FHIP2B: variants seen among roughly 807,000 people sequenced by gnomAD.
FHIP2B encodes the protein FHF complex subunit HOOK-interacting protein 2B.
In FHIP2B, 72 loss-of-function variants were observed where a neutral mutation model predicts 84.0. That is an observed-to-expected ratio of 0.86 (90% CI 0.71 to 1.04). The LOEUF is 1.04. Among genes scored for constraint, FHIP2B ranks in the 50% least tolerant of loss-of-function variants. The pLI, the probability that FHIP2B is intolerant of heterozygous loss-of-function variation, is 0.00. For missense variants in FHIP2B, 972 were observed against 968.9 expected (o/e 1.00, Z -0.04); for synonymous variants, 497 against 418.7 (o/e 1.19, Z -2.28).
chr8:22,092,374 G>A (rs1180880604), intron 1 of FHIP2B, among the ~76,000 whole-genome samples: 9 of 152,196 alleles, frequency 5.9e-5, no homozygotes, highest in Admixed American at 5.9e-4. Flanking sequence ...GAGGTCAGGA[G>A]TTTGAGACCA....
At chr8:22,092,281 G>T (rs992689278) in intron 1 of FHIP2B, among the ~76,000 whole-genome samples, 1 of 152,226 alleles carries the variant, frequency 6.6e-6, no homozygotes, top group Non-Finnish European at 1.5e-5. Flanking sequence ...CGAAAACACT[G>T]CTCAGAAGGT....
rs1826269467 is a variant in FHIP2B at position 22,103,998 on chromosome 8, C to T, written c.*1067C>T. 6.6e-6 allele frequency: 1 copy of T among 152,640 alleles called. No homozygotes were observed. Among genetic ancestry groups the T allele is most frequent in the African/African-American group, 2.4e-5 (1 of 41,472 alleles). The allele number at this position is 152,640 out of a possible 1,614,324, so 9.5% of individuals were successfully genotyped here. A position where few individuals can be genotyped will look rare whatever the true frequency, so the allele number is the denominator to read the frequency against. ...CACAGCGGGACTACACAGTTGCTGG[C>T]TTTGCTCCTGGGCAAGGAGGAGCAG... On this transcript the variant is annotated 3_prime_UTR_variant, in exon 17 of 17. Coordinates refer to ENST00000289921, the MANE Select transcript of FHIP2B (RefSeq NM_022749.7).
In FHIP2B at chr8:22,099,781, G is replaced by A. The variant is rs535908714; in HGVS notation, c.1229G>A (p.Arg410Gln). 34 of 1,612,328 alleles carry A rather than the reference G, an allele frequency of 2.1e-5. No individual in the cohort carries two copies. The highest frequency in any genetic ancestry group is 8.9e-5 in the East Asian group (4 of 44,864). Residue 410 changes from arginine (R) to glutamine (Q), a missense_variant, in exon 10 of 17, where the codon CGG (arginine) becomes CAG (glutamine). Arg to Gln is a conservative substitution (Grantham distance 43). Coordinates refer to ENST00000289921, the MANE Select transcript of FHIP2B (RefSeq NM_022749.7). ...CAGCTTCGCTCCCCTGCGCTGCTGC[G>A]GGAGGCCGTGGCTTTCCTCCTGGGC... ...LRQLRSPALL[R>Q]EAVAFLLGTD...
At chr8:22,094,614 C>T in intron 2 of FHIP2B, 96 bp downstream of exon 2, 1 of 1,576,556 alleles carries the variant, frequency 6.3e-7, no homozygotes, top group East Asian at 2.4e-5. Context: ...GGAAAGGTAA[C>T]CTGCCCAGTC....
At chr8:22,092,958 C>T (rs147259447) in intron 1 of FHIP2B, among the ~76,000 whole-genome samples, 2 of 152,310 alleles carry the variant, frequency 1.3e-5, no homozygotes, top group South Asian at 2.1e-4. Flanking sequence ...TTCTTGAGGA[C>T]TAGGTGTTAG....
chr8:22,098,918 C>G, intron 7 of FHIP2B, 30 bp from the exon 8 acceptor site: 1 of 1,549,792 alleles, frequency 6.5e-7, no homozygotes, highest in African/African-American at 1.4e-5. Context: ...CTTCTCCACT[C>G]TCTGAGACTT....
chr8:22,098,193 G>A lies in FHIP2B; in HGVS notation c.651G>A (p.Gly217=), dbSNP rs1164524790. The change falls in exon 6 of 17, where the codon GGG becomes GGA. Residue 217 remains glycine (G), a synonymous_variant. Coordinates refer to ENST00000289921, the MANE Select transcript of FHIP2B (RefSeq NM_022749.7). ...CTCCTGCCAGGCCCCAGCTGGACGG[G>A]GAGTCCTGTGGGGCCCAGGCCTTGA... ...DGAPARPQLD[G]ESCGAQALNS... 1.3e-6 allele frequency: 2 copies of A among 1,578,558 alleles called. No individual in the cohort carries two copies. The highest frequency in any genetic ancestry group is 1.2e-5 in the South Asian group (1 of 86,256).
chr8:22,089,475 C>G (rs532103140), intron 1 of FHIP2B, among the ~76,000 whole-genome samples, 177 bp downstream of exon 1: 2 of 151,704 alleles, frequency 1.3e-5, no homozygotes, highest in African/African-American at 4.8e-5. Flanking sequence ...CGCTTCCCCT[C>G]GCTCTTCCCA....
chr8:22,099,338 C>T lies in FHIP2B; in HGVS notation c.1129C>T (p.Leu377=), dbSNP rs779748306. 6.2e-7 allele frequency: 1 copy of T among 1,613,588 alleles called. No individual in the cohort carries two copies. The change falls in exon 9 of 17, where the codon CTG becomes TTG. Residue 377 remains leucine, a synonymous_variant. Transcript: ENST00000289921. Reference sequence around the variant, plus strand: ...GGCTGAGAACTTCTTCGTGGAGACCCTGCAGCCCCAGCTCCTGCACGTGTA... The same window carrying T: ...GGCTGAGAACTTCTTCGTGGAGACCTTGCAGCCCCAGCTCCTGCACGTGTA... The part of the protein sequence containing the change: ...AVAENFFVET[L]QPQLLHVSEQ...
At chr8:22,096,531 G>C (rs371625418) in intron 3 of FHIP2B, 22 bp downstream of exon 3, 10 of 1,495,938 alleles carry the variant, frequency 6.7e-6, no homozygotes, top group Non-Finnish European at 8.9e-6. Context: ...TCTGCGCGCT[G>C]GGCCAGGCCG....
rs576040356 is a variant in FHIP2B, at chr8:22,100,524, A to T, written c.1342-70A>T. The T allele has an allele frequency of 4.8e-6, 7 of 1,453,774 alleles. No individual in the cohort carries two copies. The African/African-American group carries it at 8.6e-5, about 18-fold the overall frequency. 90.1% of individuals were successfully genotyped at this position (1,453,774 alleles called of 1,614,324 possible). ...TCAGAGGTCTTTTCTTATCTGGGTT[A>T]GCCATGCCAAGGCACCCCTGGGAGC... On this transcript the variant is annotated intron_variant, in intron 10 of 16. Coordinates refer to ENST00000289921, the MANE Select transcript of FHIP2B (RefSeq NM_022749.7).
chr8:22,099,567 C>A, intron 9 of FHIP2B, 137 bp from the exon 10 acceptor site: 1 of 1,156,490 alleles, frequency 8.6e-7, no homozygotes, highest in Non-Finnish European at 1.2e-6. Flanking sequence ...CCCTTCCCTG[C>A]AGGACCTCAG....
Position 22,098,079 on chromosome 8 carries a change from T to A in FHIP2B, c.537T>A (p.Ile179=). 6.3e-7 allele frequency: 1 copy of A among 1,591,820 alleles called. No homozygotes were observed. The highest frequency in any genetic ancestry group is 8.6e-7 in the Non-Finnish European group (1 of 1,169,300). ...LLAYILEGKK[I]VGRKKACGEP... ...CACCCTCTTTTCAGGGTAAAAAGAT[T>A]GTAGGTAGGAAGAAAGCATGCGGAG... Residue 179 remains isoleucine, a synonymous_variant, in exon 6 of 17, where the codon ATT becomes ATA. Coordinates refer to ENST00000289921, the MANE Select transcript of FHIP2B (RefSeq NM_022749.7).
At chr8:22,090,740 T>C (rs1384490910) in intron 1 of FHIP2B, among the ~76,000 whole-genome samples, 3 of 152,304 alleles carry the variant, frequency 2.0e-5, no homozygotes, top group African/African-American at 7.2e-5. Flanking sequence ...TCCTCCCACC[T>C]CAGCCTCCTG....
chr8:22,101,869 G>T lies in FHIP2B; in HGVS notation c.1851+18G>T. 1 of 1,611,672 alleles carries T rather than the reference G, an allele frequency of 6.2e-7. No homozygotes were observed. ...TGGATCAGGTAGCTAGTGGGCCTGGGCCAGGAGAACTCCAGGCTGGTGCCT... is the reference window on the plus strand; with the variant it reads ...TGGATCAGGTAGCTAGTGGGCCTGGTCCAGGAGAACTCCAGGCTGGTGCCT... On this transcript the variant is annotated intron_variant, in intron 14 of 16. Coordinates refer to ENST00000289921, the MANE Select transcript of FHIP2B (RefSeq NM_022749.7).
intron 1 of FHIP2B, among the ~76,000 whole-genome samples, chr8:22,093,581 T>C (rs1825607780): frequency 6.6e-6 from 1 of 152,212 alleles, no homozygotes; most frequent in African/African-American, 2.4e-5. Flanking sequence ...CATGTAAGCA[T>C]GTTATAAGGA....
At chr8:22,092,391 C>A (rs1286591825) in intron 1 of FHIP2B, among the ~76,000 whole-genome samples, 1 of 152,036 alleles carries the variant, frequency 6.6e-6, no homozygotes, top group Admixed American at 6.5e-5. Context: ...ACCAGCCTGG[C>A]CAACATGGTG....
In FHIP2B at chr8:22,104,336, T is replaced by C. The variant is rs1239787256; in HGVS notation, c.*1405T>C. On this transcript the variant is annotated 3_prime_UTR_variant, in exon 17 of 17. Coordinates refer to ENST00000289921, the MANE Select transcript of FHIP2B (RefSeq NM_022749.7). The stretch of plus-strand genomic sequence containing the variant: ...TCAGTGCACTTTGGCATTTGCACGG[T>C]GTCTTCCCCGGACAGCACAGCAATA... The C allele has an allele frequency of 2.0e-5, 3 of 152,488 alleles. No individual in the cohort carries two copies. Among genetic ancestry groups the C allele is most frequent in the East Asian group, 3.9e-4 (2 of 5,186 alleles). The allele number at this position is 152,488 out of a possible 1,614,324, so 9.4% of individuals were successfully genotyped here.
chr8:22,102,816 A>G lies in FHIP2B; in HGVS notation c.2117A>G (p.Gln706Arg). ...GEQLDHQTLL[Q>R]GVVVLEEFCK... ...AGGCTGGACCACCAGACCCTCCTCC[A>G]GGGCGTGGTGGTGCTGGAGGAGTTC... Residue 706 changes from glutamine (Q) to arginine (R), a missense_variant, in exon 17 of 17, where the codon CAG becomes CGG. By Grantham distance (43) the Gln-to-Arg change is conservative. Coordinates refer to ENST00000289921, the MANE Select transcript of FHIP2B (RefSeq NM_022749.7). 3.1e-6 allele frequency: 5 copies of G among 1,613,376 alleles called. No individual in the cohort carries two copies. The highest frequency in any genetic ancestry group is 1.1e-5 in the South Asian group (1 of 91,072).
Sources: gnomAD v4.1 joint callset for allele counts (sites outside exome capture counted in the v4.1 genomes callset) on GRCh38, gnomAD v4.1.1 for gene constraint, MANE v1.5 for transcripts, NCBI Gene and HGNC (gene_info 2026-07-23, HGNC 2026-07-21) for gene names.